The following DNAJC7 variants were observed in gnomAD, a reference collection of about 807,000 sequenced individuals.
DNAJC7 encodes dnaJ homolog subfamily C member 7.
A neutral mutation model predicts 67.4 loss-of-function variants in DNAJC7; 18 were observed. The observed-to-expected ratio is 0.27, with a 90% CI of 0.18 to 0.40. The LOEUF is 0.40. Among genes scored for constraint, DNAJC7 ranks in the 10% least tolerant of loss-of-function variants. DNAJC7 has a pLI of 1.00. For missense variants in DNAJC7, 419 were observed against 613.8 expected, an observed-to-expected ratio of 0.68 and a Z score of 3.35; for synonymous variants, 220 against 207.8, an observed-to-expected ratio of 1.06 and a Z score of -0.50.
chr17:41,999,579 G>A (rs908127654), intron 2 of DNAJC7, among the ~76,000 whole-genome samples: 5 of 151,782 alleles, frequency 3.3e-5, no homozygotes, highest in Admixed American at 2.0e-4. Flanking sequence ...GGAGTGCAAC[G>A]GCAGGATCTC....
At chr17:41,988,662 A>G in intron 8 of DNAJC7, 70 bp downstream of exon 8, 1 of 1,487,824 alleles carries the variant, frequency 6.7e-7, no homozygotes. Flanking sequence ...CACTAGGCAG[A>G]TTTCCCAAGA....
At chr17:41,986,095 C>T (rs780263648) in intron 9 of DNAJC7, 4 of 121,478 alleles carry the variant, frequency 3.3e-5, no homozygotes, top group Non-Finnish European at 6.8e-5. Context: ...GGCGCGGTGG[C>T]TCACACCTGC....
intron 5 of DNAJC7, among the ~76,000 whole-genome samples, chr17:41,992,407 C>G (rs1293410038): frequency 2.0e-5 from 3 of 152,144 alleles, no homozygotes; most frequent in Non-Finnish European, 1.5e-5. Context: ...CTCCCGACCT[C>G]AGGTGATCCG....
At chr17:41,997,596 C>T (rs1379214065) in intron 2 of DNAJC7, among the ~76,000 whole-genome samples, 1 of 151,998 alleles carries the variant, frequency 6.6e-6, no homozygotes, top group Admixed American at 6.6e-5. Context: ...GACCCTGTCT[C>T]AAAAAACAAA....
chr17:41,999,708 A>G (rs1433924621), intron 2 of DNAJC7, among the ~76,000 whole-genome samples: 1 of 152,076 alleles, frequency 6.6e-6, no homozygotes, highest in Non-Finnish European at 1.5e-5. Context: ...TTGTAGAGAC[A>G]GGGTTTCACC....
Position 41,976,450 on chromosome 17 carries a change from CATTTT to C in DNAJC7, c.*278_*282del. On this transcript the variant is annotated 3_prime_UTR_variant, in exon 14 of 14. Transcript: ENST00000457167. ...AGCAAAGGGCCAGGAAGGGTCAAAA[CATTTT>C]ATTCTCTTTTTTTTTTCTTTTTTAA... The C allele has an allele frequency of 5.2e-6, 2 of 383,654 alleles. No homozygotes were observed. Among genetic ancestry groups the C allele is most frequent in the Non-Finnish European group, 9.1e-6 (2 of 220,948 alleles). 23.8% of individuals were successfully genotyped at this position (383,654 alleles called of 1,614,324 possible).
intron 9 of DNAJC7, among the ~76,000 whole-genome samples, chr17:41,986,571 G>A (rs2051387304): frequency 7.4e-6 from 1 of 135,592 alleles, no homozygotes; most frequent in Non-Finnish European, 1.5e-5. Context: ...TAAAATTGCA[G>A]CAAACACCTT....
At chr17:42,008,007 G>T (rs1598150906) in intron 1 of DNAJC7, among the ~76,000 whole-genome samples, 1 of 151,392 alleles carries the variant, frequency 6.6e-6, no homozygotes, top group Non-Finnish European at 1.5e-5. Context: ...CCGGTAAGAA[G>T]TTTCTTTTTT....
At chr17:42,008,297 G>A (rs1203900634) in intron 1 of DNAJC7, among the ~76,000 whole-genome samples, 1 of 148,544 alleles carries the variant, frequency 6.7e-6, no homozygotes, top group Non-Finnish European at 1.5e-5. Context: ...GGGCAAGAGT[G>A]AGACTCCGTC....
rs374835988 is a variant in DNAJC7 at position 41,994,897 on chromosome 17, T to G, written c.453A>C (p.Thr151=). The part of the protein sequence containing the change: ...AVMEYEKIAE[T]DFEKRDFRKV... ...TCCGAAAATCTCGCTTCTCAAAATC[T>G]GTTTCTGCTATTTTCTCATATTCCA... Residue 151 remains threonine (T), a synonymous_variant, in exon 5 of 14, where the codon ACA becomes ACC. Transcript: ENST00000457167. 2 of 1,613,892 alleles carry G rather than the reference T, an allele frequency of 1.2e-6. No homozygotes were observed. The highest frequency in any genetic ancestry group is 2.7e-5 in the African/African-American group (2 of 74,944).
chr17:42,009,978 T>C (rs1232468450), intron 1 of DNAJC7, among the ~76,000 whole-genome samples: 1 of 151,578 alleles, frequency 6.6e-6, no homozygotes, highest in Non-Finnish European at 1.5e-5. Flanking sequence ...CCGTCTCTAC[T>C]AAAAATATAA....
intron 1 of DNAJC7, chr17:42,014,750 G>T (rs782799460): frequency 6.6e-6 from 1 of 151,496 alleles, no homozygotes; most frequent in African/African-American, 2.4e-5. Context: ...TAGTAGATGG[G>T]GTTTCACCGT....
At chr17:41,979,539 G>C (rs529588185) in intron 12 of DNAJC7, among the ~76,000 whole-genome samples, 3 of 151,024 alleles carry the variant, frequency 2.0e-5, no homozygotes, top group African/African-American at 2.4e-5. Flanking sequence ...AGGCATGGGG[G>C]TGGATGCCTG....
At chr17:41,976,874 A>G in intron 13 of DNAJC7, 104 bp from the exon 14 acceptor site, 1 of 1,393,842 alleles carries the variant, frequency 7.2e-7, no homozygotes, top group Non-Finnish European at 9.8e-7. Context: ...AAACTCAAAC[A>G]CAGAGAGAAA....
chr17:41,997,049 T>TA (rs1322848710), intron 3 of DNAJC7, 66 bp downstream of exon 3: 8 of 1,606,714 alleles, frequency 5.0e-6, no homozygotes, highest in Middle Eastern at 3.3e-4. Context: ...GGTTGAGAAA[T>TA]ACGGGGCTAG....
intron 1 of DNAJC7, among the ~76,000 whole-genome samples, chr17:42,005,546 T>C (rs1360554144): frequency 6.6e-6 from 1 of 152,238 alleles, no homozygotes; most frequent in African/African-American, 2.4e-5. Flanking sequence ...GGGTTCTCTC[T>C]GGAATTGCTT....
intron 6 of DNAJC7, 111 bp downstream of exon 6, chr17:41,990,153 G>C: frequency 9.6e-7 from 1 of 1,037,888 alleles, no homozygotes; most frequent in Non-Finnish European, 1.4e-6. Context: ...AAGAGGGTCT[G>C]ATCAGCCCTA....
chr17:42,016,849 G>A (rs1466824422), intron 1 of DNAJC7: 1 of 669,378 alleles, frequency 1.5e-6, no homozygotes, highest in Non-Finnish European at 1.9e-6. Context: ...CAATTATGGA[G>A]ACACACAATC....
chr17:41,996,558 T>A (rs2051664235), intron 3 of DNAJC7, 134 bp from the exon 4 acceptor site: 1 of 697,002 alleles, frequency 1.4e-6, no homozygotes, highest in East Asian at 2.8e-5. Flanking sequence ...TCCCAGCACT[T>A]TGGGAAGCTG....
Sources: allele counts gnomAD v4.1 joint callset (sites outside exome capture counted in the v4.1 genomes callset), GRCh38; gene constraint gnomAD v4.1.1; transcripts MANE v1.5; gene names NCBI Gene and HGNC (gene_info 2026-07-23, HGNC 2026-07-21).